AGAP1: variants seen among roughly 807,000 people sequenced by gnomAD.
The protein encoded by AGAP1 is ArfGAP with GTPase domain, ankyrin repeat and PH domain 1, also known as arf-GAP with GTPase, ANK repeat and PH domain-containing protein 1.
In AGAP1, 29 loss-of-function variants were observed where a neutral mutation model predicts 105.3. That is an observed-to-expected ratio of 0.28 (90% CI 0.21 to 0.38). The LOEUF (loss-of-function observed/expected upper bound fraction) is 0.38. AGAP1 is among the 10% of genes least tolerant of loss of function. The pLI is 1.00. For missense variants in AGAP1, 998 were observed against 1,165.1 expected, an observed-to-expected ratio of 0.86 and a Z score of 2.09; for synonymous variants, 509 against 485.9, an observed-to-expected ratio of 1.05 and a Z score of -0.63.
At position 235,892,152 on chromosome 2, in the gene AGAP1, C is replaced by CAA. The variant is rs76856873; in HGVS notation, c.1155+8716_1155+8717dup. ...CTCGGCAACAGTGAGACTCCCATCTCAAAAAAAAAAAAAAGTCCTTCTTAG... is the reference window on the plus strand; with the variant it reads ...CTCGGCAACAGTGAGACTCCCATCTCAAAAAAAAAAAAAAAAGTCCTTCTTAG... On this transcript the variant is annotated intron_variant, in intron 10 of 17. Coordinates refer to ENST00000304032, the MANE Select transcript of AGAP1 (RefSeq NM_001037131.3). Among the ~76,000 whole-genome samples the CAA allele has an allele frequency of 3.3e-4, 45 of 136,492 alleles. 1 individual carries two copies. Among genetic ancestry groups the CAA allele is most frequent in the African/African-American group, 1.1e-3 (42 of 37,804 alleles). The allele number at this position is 136,492 out of a possible 152,430, so 89.5% of individuals were successfully genotyped here. A position where few individuals can be genotyped will look rare whatever the true frequency, so the allele number is the denominator to read the frequency against.
chr2:236,120,113 C>T lies in AGAP1; in HGVS notation c.2115-79C>T. 1.3e-6 allele frequency: 2 copies of T among 1,537,128 alleles called. No individual in the cohort carries two copies. The highest frequency in any genetic ancestry group is 1.8e-6 in the Non-Finnish European group (2 of 1,142,216). ...TATTTCACTTCCCTCTCGGCTTCTC[C>T]CGACCACACTGGGCAGGGGCTGGCA... is the stretch of plus-strand genomic sequence containing the variant. On this transcript the variant is annotated intron_variant, in intron 16 of 17. Transcript: ENST00000304032. The surrounding 1 kb of genome is among the most constrained non-coding windows in gnomAD (Gnocchi z 6.0).
chr2:236,009,685 G>A lies in AGAP1; in HGVS notation c.1646-26876G>A, dbSNP rs1340955441. ...TCTTCAACCCATCCCCTTCCTCCAT[G>A]GAGGTAAAAAGATCCTATTAGTTCT... is the stretch of plus-strand genomic sequence containing the variant. On this transcript the variant is annotated intron_variant, in intron 13 of 17. Transcript: ENST00000304032. The surrounding 1 kb of genome is among the most constrained non-coding windows in gnomAD (Gnocchi z 4.2). Among the ~76,000 whole-genome samples, 1 of 152,146 alleles carries A rather than the reference G, an allele frequency of 6.6e-6. No individual in the cohort carries two copies. Among genetic ancestry groups the A allele is most frequent in the Admixed American group, 6.6e-5 (1 of 15,266 alleles).
chr2:236,122,680 ATT>A (rs71039713), intron 17 of AGAP1, among the ~76,000 whole-genome samples: 72 of 123,572 alleles, frequency 5.8e-4, no homozygotes, highest in East Asian at 5.5e-3. Flanking sequence ...TCCAGTGACA[ATT>A]TTTTTTTTTT....
At position 235,569,520 on chromosome 2, in the gene AGAP1, G is replaced by A. The variant is rs1006896429; in HGVS notation, c.163+74671G>A. On this transcript the variant is annotated intron_variant, in intron 1 of 17. Transcript: ENST00000304032. This position sits in a 1 kb window ranked among gnomAD's most constrained non-coding sequence, Gnocchi z 5.9. ...AAAGGGCAAAATGGAAAGCAAACCT[G>A]GCCTCTTGTACCTCTGAGCCCCGAA... Among the ~76,000 whole-genome samples the A allele has an allele frequency of 6.6e-6, 1 of 152,148 alleles. No homozygotes were observed. Among genetic ancestry groups the A allele is most frequent in the African/African-American group, 2.4e-5 (1 of 41,418 alleles).
intron 14 of AGAP1, among the ~76,000 whole-genome samples, chr2:236,037,506 T>C (rs1478805447): frequency 1.3e-5 from 2 of 152,194 alleles, no homozygotes; most frequent in African/African-American, 4.8e-5. Flanking sequence ...TCCTCCCACC[T>C]CAGCCTCCTG....
At chr2:235,863,418 G>A (rs1446997995) in intron 9 of AGAP1, among the ~76,000 whole-genome samples, 4 of 152,158 alleles carry the variant, frequency 2.6e-5, no homozygotes, top group African/African-American at 4.8e-5. Flanking sequence ...GTTACCTTGC[G>A]CCCTACAGAA....
chr2:235,917,017 T>A (rs1365033372), intron 11 of AGAP1, among the ~76,000 whole-genome samples: 2 of 152,196 alleles, frequency 1.3e-5, no homozygotes, highest in African/African-American at 4.8e-5. Context: ...AACTCCTGGT[T>A]GTGACATTTT....
At position 235,777,129 on chromosome 2, in the gene AGAP1, C is replaced by T; in HGVS notation, c.674-20630C>T. The T allele has an allele frequency of 2.2e-6, 1 of 459,106 alleles. No homozygotes were observed. The allele number at this position is 459,106 out of a possible 1,614,324, so 28.4% of individuals were successfully genotyped here. A position where few individuals can be genotyped will look rare whatever the true frequency, so the allele number is the denominator to read the frequency against. ...ATTCCAGCACTTTGAGAGGCCAAGG[C>T]GGGTGGATCACGAGGTCAGGAGATC... is the stretch of plus-strand genomic sequence containing the variant. On this transcript the variant is annotated intron_variant, in intron 6 of 17. Transcript: ENST00000304032. This position sits in a 1 kb window ranked among gnomAD's most constrained non-coding sequence, Gnocchi z 5.1.
Position 235,566,397 on chromosome 2 carries a change from T to G in AGAP1, c.163+71548T>G, listed in dbSNP as rs1032029659. On this transcript the variant is annotated intron_variant, in intron 1 of 17. Coordinates refer to ENST00000304032, the MANE Select transcript of AGAP1 (RefSeq NM_001037131.3). This position sits in a 1 kb window ranked among gnomAD's most constrained non-coding sequence, Gnocchi z 5.2. ...TATTATTTTTCAATGCATTGCAAAG[T>G]CAACGGCAGACTGAAGGACTGCCGC... 2.0e-5 allele frequency among the ~76,000 whole-genome samples: 3 copies of G among 152,216 alleles called. No homozygotes were observed. Among genetic ancestry groups the G allele is most frequent in the Non-Finnish European group, 2.9e-5 (2 of 68,036 alleles).
Position 235,620,659 on chromosome 2 carries a change from C to A in AGAP1, c.164-88520C>A, listed in dbSNP as rs1946447994. On this transcript the variant is annotated intron_variant, in intron 1 of 17. Transcript: ENST00000304032. The surrounding 1 kb of genome is among the most constrained non-coding windows in gnomAD (Gnocchi z 4.5). ...CACCTGCTTCCTATTTCCCCATAAACCCCAGCTCCCTGACATGTCTGGTGT... is the reference window on the plus strand; with the variant it reads ...CACCTGCTTCCTATTTCCCCATAAAACCCAGCTCCCTGACATGTCTGGTGT... 6.6e-6 allele frequency among the ~76,000 whole-genome samples: 1 copy of A among 152,172 alleles called. No individual in the cohort carries two copies. The highest frequency in any genetic ancestry group is 2.4e-5 in the African/African-American group (1 of 41,448).
rs143212927 is a variant in AGAP1, at chr2:235,701,987, G to A, written c.164-7192G>A. ...AAATAATAGTTAAAATCCTTGTGAC[G>A]TTTAAGGTTTTCAAAGAAAATTCCC... On this transcript the variant is annotated intron_variant, in intron 1 of 17. Transcript: ENST00000304032. This position sits in a 1 kb window ranked among gnomAD's most constrained non-coding sequence, Gnocchi z 4.1. Among the ~76,000 whole-genome samples, 22 of 152,108 alleles carry A rather than the reference G, an allele frequency of 1.4e-4. No individual in the cohort carries two copies. Among genetic ancestry groups the A allele is most frequent in the African/African-American group, 4.6e-4 (19 of 41,414 alleles).
chr2:235,785,120 TC>T (rs1956542407), intron 6 of AGAP1, among the ~76,000 whole-genome samples: 4 of 152,180 alleles, frequency 2.6e-5, no homozygotes, highest in Admixed American at 2.6e-4. Flanking sequence ...ACATCTTCTC[TC>T]CCCCACTTTA....
At chr2:235,766,843 G>A (rs185421320) in intron 6 of AGAP1, among the ~76,000 whole-genome samples, 2 of 151,642 alleles carry the variant, frequency 1.3e-5, no homozygotes, top group African/African-American at 2.4e-5. Flanking sequence ...CTGGGTTCAA[G>A]CAATTTTCAT....
intron 6 of AGAP1, among the ~76,000 whole-genome samples, chr2:235,795,091 A>G (rs1415746952): frequency 6.6e-6 from 1 of 151,636 alleles, no homozygotes; most frequent in East Asian, 1.9e-4. Context: ...CATTCCATCC[A>G]TTTTCTTTGA....
At chr2:235,856,563 C>T (rs1327084608) in intron 9 of AGAP1, among the ~76,000 whole-genome samples, 1 of 152,252 alleles carries the variant, frequency 6.6e-6, no homozygotes, top group Non-Finnish European at 1.5e-5. Flanking sequence ...CGTTAATGTC[C>T]TCATCAGTCG....
At chr2:235,836,202 C>T (rs760203373) in intron 9 of AGAP1, among the ~76,000 whole-genome samples, 48 of 152,158 alleles carry the variant, frequency 3.2e-4, no homozygotes, top group African/African-American at 1.0e-3. Context: ...GCCCTTTAGC[C>T]GGCTTTTGAA....
At position 235,931,058 on chromosome 2, in the gene AGAP1, ACT is replaced by A. The variant is rs2052699507; in HGVS notation, c.1483+137_1483+138del. Reference sequence around the variant, plus strand: ...ACCCTGTGGGGCGGCTGCATCAGAGACTCACATCTTGCCTTTCATCTGTGGAA... The same window carrying A: ...ACCCTGTGGGGCGGCTGCATCAGAGACACATCTTGCCTTTCATCTGTGGAA... On this transcript the variant is annotated intron_variant, in intron 12 of 17. Coordinates refer to ENST00000304032, the MANE Select transcript of AGAP1 (RefSeq NM_001037131.3). The surrounding 1 kb of genome is among the most constrained non-coding windows in gnomAD (Gnocchi z 5.6). 1.0e-6 allele frequency: 1 copy of A among 992,340 alleles called. No homozygotes were observed. Among genetic ancestry groups the A allele is most frequent in the African/African-American group, 1.7e-5 (1 of 60,456 alleles). The allele number at this position is 992,340 out of a possible 1,614,324, so 61.5% of individuals were successfully genotyped here. A position where few individuals can be genotyped will look rare whatever the true frequency, so the allele number is the denominator to read the frequency against.
chr2:236,115,749 A>G (rs1216036689), intron 16 of AGAP1, among the ~76,000 whole-genome samples: 1 of 152,228 alleles, frequency 6.6e-6, no homozygotes, highest in Non-Finnish European at 1.5e-5. Flanking sequence ...CTGTCCGAGA[A>G]AACACTGAAA....
chr2:236,018,269 T>A (rs2056774201), intron 13 of AGAP1, among the ~76,000 whole-genome samples: 1 of 152,140 alleles, frequency 6.6e-6, no homozygotes, highest in Admixed American at 6.5e-5. Context: ...TTAACAGCTG[T>A]CTCCCAACCC....
Sources: allele counts gnomAD v4.1 joint callset (sites outside exome capture counted in the v4.1 genomes callset), GRCh38; gene constraint gnomAD v4.1.1; non-coding constraint Gnocchi (gnomAD v3.1); transcripts MANE v1.5; gene names NCBI Gene and HGNC (gene_info 2026-07-23, HGNC 2026-07-21).